COL27A1: variants seen among roughly 807,000 people sequenced by gnomAD.
COL27A1 encodes the protein collagen type XXVII alpha 1 chain, also known as collagen alpha-1(XXVII) chain.
A neutral mutation model predicts 251.3 loss-of-function variants in COL27A1; 106 were observed. The ratio of observed to expected loss-of-function variants is 0.42; its 90% CI spans 0.36 to 0.50. COL27A1 has a LOEUF of 0.50. COL27A1 is among the 20% of genes least tolerant of loss of function. The pLI, the probability that COL27A1 is intolerant of heterozygous loss-of-function variation, is 0.00. For missense variants in COL27A1, 2,325 were observed against 2,522.8 expected (o/e 0.92, Z 1.68); for synonymous variants, 1,000 against 986.3 (o/e 1.01, Z -0.26).
At chr9:114,173,891 G>A (rs1021569099) in intron 3 of COL27A1, among the ~76,000 whole-genome samples, 1 of 152,060 alleles carries the variant, frequency 6.6e-6, no homozygotes, top group African/African-American at 2.4e-5. Context: ...GGGGTTAGTC[G>A]GTGGAGCAGG....
chr9:114,176,654 C>T (rs946015408), intron 3 of COL27A1, among the ~76,000 whole-genome samples: 2 of 152,130 alleles, frequency 1.3e-5, no homozygotes, highest in Non-Finnish European at 2.9e-5. Context: ...CCAGAACCCA[C>T]AAAACCAGAC....
Position 114,168,344 on chromosome 9 carries a change from C to T in COL27A1, c.789C>T (p.Asp263=). The T allele has an allele frequency of 6.2e-7, 1 of 1,613,372 alleles. No individual in the cohort carries two copies. Among genetic ancestry groups the T allele is most frequent in the Admixed American group, 1.7e-5 (1 of 60,030 alleles). ...DSGRPFTFQS[D]LALLGLENLT... ...GCAGACCTTTTACCTTCCAGTCCGA[C>T]CTCGCCCTGCTAGGCCTGGAGAACT... is the stretch of plus-strand genomic sequence containing the variant. The change falls in exon 3 of 61, where the codon GAC becomes GAT. Residue 263 remains aspartate, a synonymous_variant. Transcript: ENST00000356083.
At position 114,237,070 on chromosome 9, in the gene COL27A1, C is replaced by T. The variant is rs764202768; in HGVS notation, c.2673+36C>T. ...GCTCCTCCAGCACCCCCAAACCTCA[C>T]ACTCTCCAACTGATCGTGTAATGTG... On this transcript the variant is annotated intron_variant, in intron 18 of 60. Coordinates refer to ENST00000356083, the MANE Select transcript of COL27A1 (RefSeq NM_032888.4). 9.8e-5 allele frequency: 152 copies of T among 1,547,726 alleles called. No individual in the cohort carries two copies. The Admixed American group carries it at 1.1e-3, about 11-fold the overall frequency.
intron 7 of COL27A1, among the ~76,000 whole-genome samples, chr9:114,201,889 C>T (rs866269468): frequency 1.5e-4 from 23 of 152,270 alleles, no homozygotes; most frequent in African/African-American, 5.1e-4. Flanking sequence ...ATGTTTCATC[C>T]CATGCTTTTT....
chr9:114,209,522 A>G (rs368654922), intron 10 of COL27A1, 153 bp from the exon 11 acceptor site: 17 of 792,990 alleles, frequency 2.1e-5, no homozygotes, highest in African/African-American at 6.7e-5. Context: ...CTCAAGGCCT[A>G]TGTCATCGAG....
At chr9:114,231,242 T>G in intron 15 of COL27A1, 110 bp downstream of exon 15, 2 of 1,061,884 alleles carry the variant, frequency 1.9e-6, no homozygotes, top group South Asian at 1.5e-5. Context: ...GAAGGGAGGA[T>G]GGCAGGATGC....
chr9:114,307,315 G>A (rs948219486), intron 58 of COL27A1: 3 of 210,250 alleles, frequency 1.4e-5, no homozygotes, highest in African/African-American at 4.7e-5. Flanking sequence ...GGCCCTAGGA[G>A]GAGCCCTAGG....
intron 24 of COL27A1, among the ~76,000 whole-genome samples, 155 bp from the exon 25 acceptor site, chr9:114,250,460 A>G (rs1168552059): frequency 6.6e-6 from 1 of 152,222 alleles, no homozygotes; most frequent in East Asian, 1.9e-4. Flanking sequence ...CGGTGCCCAG[A>G]GAGAGGCAGC....
chr9:114,194,272 G>A lies in COL27A1; in HGVS notation c.2017-132G>A, dbSNP rs77368436. On this transcript the variant is annotated intron_variant, in intron 5 of 60. Coordinates refer to ENST00000356083, the MANE Select transcript of COL27A1 (RefSeq NM_032888.4). ...GTAGTAGAATTGGAGAAGACCCTCT[G>A]GAGGTGTGTGAGTGGGAGGATGGAT... 3.0e-3 allele frequency: 2,496 copies of A among 834,948 alleles called. 39 individuals are homozygous for A. The African/African-American group carries it at 0.037, about 12-fold the overall frequency. 51.7% of individuals were successfully genotyped at this position (834,948 alleles called of 1,614,324 possible). A position where few individuals can be genotyped will look rare whatever the true frequency, so the allele number is the denominator to read the frequency against.
At position 114,261,165 on chromosome 9, in the gene COL27A1, C is replaced by T. The variant is rs916598253; in HGVS notation, c.3195+2571C>T. 3.9e-5 allele frequency among the ~76,000 whole-genome samples: 6 copies of T among 152,224 alleles called. 1 individual carries two copies. Among genetic ancestry groups the T allele is most frequent in the African/African-American group, 9.6e-5 (4 of 41,456 alleles). ...ACGTGATGGTGTGTGCTCATTCCCG[C>T]TTGTTCATCGGCCCCTTTTTCACAA... is the stretch of plus-strand genomic sequence containing the variant. On this transcript the variant is annotated intron_variant, in intron 28 of 60. Coordinates refer to ENST00000356083, the MANE Select transcript of COL27A1 (RefSeq NM_032888.4).
chr9:114,285,168 G>A (rs776838431), intron 41 of COL27A1, among the ~76,000 whole-genome samples: 4 of 152,212 alleles, frequency 2.6e-5, no homozygotes, highest in Non-Finnish European at 5.9e-5. Context: ...GTGGGGAGAG[G>A]ATGCTGAGCA....
At chr9:114,301,810 G>T in intron 55 of COL27A1, 93 bp downstream of exon 55, 1 of 1,264,276 alleles carries the variant, frequency 7.9e-7, no homozygotes, top group East Asian at 2.3e-5. Flanking sequence ...CCTTGACCCT[G>T]AACCCCACAG....
intron 4 of COL27A1, among the ~76,000 whole-genome samples, chr9:114,179,246 C>G (rs1588598067): frequency 1.3e-5 from 2 of 152,326 alleles, no homozygotes; most frequent in East Asian, 3.9e-4. Context: ...TCCCTCCAGA[C>G]CTGGCCCTGT....
intron 16 of COL27A1, among the ~76,000 whole-genome samples, chr9:114,234,039 A>G (rs974498921): frequency 2.0e-5 from 3 of 152,092 alleles, no homozygotes; most frequent in Non-Finnish European, 4.4e-5. Context: ...AGTCCCACTT[A>G]CAACCGCTTG....
At chr9:114,295,453 G>A (rs888178817) in intron 49 of COL27A1, among the ~76,000 whole-genome samples, 1 of 152,136 alleles carries the variant, frequency 6.6e-6, no homozygotes, top group Non-Finnish European at 1.5e-5. Flanking sequence ...ATATACATAT[G>A]AAATATAAAG....
intron 2 of COL27A1, among the ~76,000 whole-genome samples, chr9:114,165,047 A>G (rs549369212): frequency 6.6e-6 from 1 of 152,306 alleles, no homozygotes; most frequent in South Asian, 2.1e-4. Flanking sequence ...ACTTAAGCAG[A>G]GTTACTCAAT....
At chr9:114,266,994 G>A (rs149149437) in intron 33 of COL27A1, among the ~76,000 whole-genome samples, 1,702 of 152,254 alleles carry the variant, frequency 0.011, 16 homozygotes, top group Non-Finnish European at 0.016. Flanking sequence ...ATGCAGCAAG[G>A]AACTTGGAAG....
chr9:114,227,545 C>T (rs1817232750), intron 14 of COL27A1, among the ~76,000 whole-genome samples: 2 of 152,144 alleles, frequency 1.3e-5, no homozygotes, highest in African/African-American at 4.8e-5. Flanking sequence ...CTGTGAGCAG[C>T]TGGTGAGGGT....
At chr9:114,203,248 G>A (rs550828954) in intron 7 of COL27A1, among the ~76,000 whole-genome samples, 2 of 152,212 alleles carry the variant, frequency 1.3e-5, no homozygotes, top group East Asian at 3.9e-4. Flanking sequence ...ATGAAAACTC[G>A]GTAAATGTTT....
Sources: gnomAD v4.1 joint callset for allele counts (sites outside exome capture counted in the v4.1 genomes callset) on GRCh38, gnomAD v4.1.1 for gene constraint, MANE v1.5 for transcripts, NCBI Gene and HGNC (gene_info 2026-07-23, HGNC 2026-07-21) for gene names.